The following LIPK variants were observed in gnomAD, a reference collection of about 807,000 sequenced individuals.
The protein encoded by LIPK is lipase family member K.
A neutral mutation model predicts 48.6 loss-of-function variants in LIPK; 32 were observed. The observed-to-expected ratio is 0.66, with a 90% confidence interval of 0.50 to 0.88. The LOEUF (loss-of-function observed/expected upper bound fraction) is 0.88, where lower values mean the gene tolerates loss of function less well. Among genes scored for constraint, LIPK ranks in the 40% least tolerant of loss-of-function variants. The pLI is 0.00. For synonymous variants in LIPK, 164 were observed against 157.4 expected (o/e 1.04, Z -0.32); for missense variants, 507 against 478.5 (o/e 1.06, Z -0.56).
intron 8 of LIPK, 137 bp from the exon 9 acceptor site, chr10:88,743,113 C>A: frequency 1.8e-6 from 1 of 557,068 alleles, no homozygotes; most frequent in African/African-American, 1.9e-5. Context: ...TACTTATTTT[C>A]TTAATCTTTA....
chr10:88,724,019 C>G (rs442545), intron 1 of LIPK, among the ~76,000 whole-genome samples: 118,187 of 152,078 alleles, frequency 0.78, 46,920 homozygotes, highest in East Asian at 1. Context: ...TGTTTATATA[C>G]ACGTCATTTT....
chr10:88,733,288 T>C (rs986485166), intron 6 of LIPK, among the ~76,000 whole-genome samples: 7 of 152,228 alleles, frequency 4.6e-5, no homozygotes, highest in African/African-American at 1.7e-4. Context: ...ATCATTTATC[T>C]AGTCCAGGTA....
chr10:88,726,983 A>G, intron 3 of LIPK, 71 bp downstream of exon 3: 1 of 914,184 alleles, frequency 1.1e-6, no homozygotes, highest in African/African-American at 1.7e-5. Context: ...GGAGAAGTCA[A>G]GCAGTTTTTG....
At chr10:88,733,354 C>T (rs1296842827) in intron 6 of LIPK, among the ~76,000 whole-genome samples, 1 of 152,112 alleles carries the variant, frequency 6.6e-6, no homozygotes, top group African/African-American at 2.4e-5. Context: ...TGGGCTTCTC[C>T]CATGGTAATA....
intron 1 of LIPK, among the ~76,000 whole-genome samples, chr10:88,716,356 CTTT>C (rs11374780): frequency 8.3e-6 from 1 of 120,334 alleles, no homozygotes; most frequent in Non-Finnish European, 1.7e-5. Flanking sequence ...AGGAAAATTT[CTTT>C]TTTTTTTTTT....
chr10:88,725,167 T>C (rs865946948), intron 2 of LIPK, among the ~76,000 whole-genome samples: 2 of 152,192 alleles, frequency 1.3e-5, no homozygotes, highest in African/African-American at 4.8e-5. Flanking sequence ...CATTCTCCTA[T>C]ATAAACGGCG....
intron 1 of LIPK, among the ~76,000 whole-genome samples, chr10:88,723,369 A>G (rs1426351492): frequency 6.6e-6 from 1 of 152,204 alleles, no homozygotes; most frequent in Non-Finnish European, 1.5e-5. Flanking sequence ...GAATCAAGCT[A>G]TATTAACCTG....
intron 6 of LIPK, among the ~76,000 whole-genome samples, chr10:88,735,927 G>A (rs1353344453): frequency 6.6e-6 from 1 of 152,188 alleles, no homozygotes; most frequent in East Asian, 1.9e-4. Flanking sequence ...AGGATATTGA[G>A]GTAGAATGGA....
At chr10:88,732,613 C>A in intron 6 of LIPK, 62 bp downstream of exon 6, 2 of 1,469,990 alleles carry the variant, frequency 1.4e-6, no homozygotes, top group Non-Finnish European at 1.8e-6. Flanking sequence ...CCATTGATTT[C>A]AACAGAAGAC....
intron 2 of LIPK, among the ~76,000 whole-genome samples, chr10:88,725,880 T>C (rs571220012): frequency 2.0e-5 from 3 of 152,178 alleles, no homozygotes; most frequent in Admixed American, 1.3e-4. Flanking sequence ...TAAGGACAGG[T>C]CAACAAGCTC....
intron 1 of LIPK, among the ~76,000 whole-genome samples, chr10:88,711,868 C>T (rs11202828): frequency 0.34 from 51,083 of 151,822 alleles, 8,579 homozygotes; most frequent in East Asian, 0.41. Context: ...CTACCCCAAA[C>T]GTGTAAAGAT....
rs550757557 is a variant in LIPK, at chr10:88,730,438, G to A, written c.224-545G>A. 3.3e-5 allele frequency among the ~76,000 whole-genome samples: 5 copies of A among 152,070 alleles called. No individual in the cohort carries two copies. The South Asian group carries it at 1.0e-3, about 32-fold the overall frequency. On this transcript the variant is annotated intron_variant, in intron 3 of 9. Coordinates refer to ENST00000404190, the MANE Select transcript of LIPK (RefSeq NM_001080518.2). ...CCGAGTAGCTGGGACTACAACGCCC[G>A]CCACCATGCCCGGCTAGTTTTTTTG...
In LIPK at chr10:88,729,817, C is replaced by T. The variant is rs923454876; in HGVS notation, c.224-1166C>T. Among the ~76,000 whole-genome samples, 9 of 152,166 alleles carry T rather than the reference C, an allele frequency of 5.9e-5. No individual in the cohort carries two copies. The East Asian group carries it at 1.7e-3, about 29-fold the overall frequency. The stretch of plus-strand genomic sequence containing the variant: ...GTACAACTTACTCACTCTCAGGAAG[C>T]CACTCTAGTTCCAAAAGTGACCTGA... On this transcript the variant is annotated intron_variant, in intron 3 of 9. Coordinates refer to ENST00000404190, the MANE Select transcript of LIPK (RefSeq NM_001080518.2).
intron 6 of LIPK, among the ~76,000 whole-genome samples, chr10:88,737,265 A>G (rs1341740945): frequency 6.6e-6 from 1 of 152,238 alleles, no homozygotes; most frequent in Admixed American, 6.5e-5. Context: ...TACCCAGTAG[A>G]AAATTTTTCC....
At chr10:88,710,005 G>A (rs1841999142) in intron 1 of LIPK, among the ~76,000 whole-genome samples, 1 of 151,916 alleles carries the variant, frequency 6.6e-6, no homozygotes, top group Admixed American at 6.6e-5. Context: ...ATACTCTATA[G>A]ACTATTGGTA....
intron 1 of LIPK, among the ~76,000 whole-genome samples, chr10:88,714,042 ATTTAT>A (rs541222512): frequency 1.3e-3 from 201 of 152,010 alleles, no homozygotes; most frequent in Non-Finnish European, 2.4e-3. Context: ...TTCTCTTTCG[ATTTAT>A]TTTATTTAAT....
intron 7 of LIPK, among the ~76,000 whole-genome samples, 182 bp downstream of exon 7, chr10:88,737,963 GA>G (rs1335351760): frequency 1.3e-5 from 2 of 152,266 alleles, no homozygotes; most frequent in East Asian, 3.9e-4. Context: ...GAGGATTTGA[GA>G]AGAAAGCTTT....
In LIPK at chr10:88,740,053, C is replaced by A. The variant is rs1298393665; in HGVS notation, c.874C>A (p.Leu292Met). 2 of 1,609,198 alleles carry A rather than the reference C, an allele frequency of 1.2e-6. No homozygotes were observed. The highest frequency in any genetic ancestry group is 1.7e-6 in the Non-Finnish European group (2 of 1,177,094). ...NPAGTSVQNM[L>M]HWAQAVNSGQ... ...TGCGGGAACATCTGTTCAGAATATG[C>A]TGCACTGGGCTCAGGTAAGTGCTTC... The change falls in exon 8 of 10, where the codon CTG becomes ATG. Residue 292 changes from leucine to methionine, a missense_variant. Leu to Met is a conservative substitution (Grantham distance 15, BLOSUM62 2). Coordinates refer to ENST00000404190, the MANE Select transcript of LIPK (RefSeq NM_001080518.2).
At chr10:88,723,087 GT>G (rs1400816198) in intron 1 of LIPK, among the ~76,000 whole-genome samples, 1 of 151,660 alleles carries the variant, frequency 6.6e-6, no homozygotes, top group African/African-American at 2.4e-5. Flanking sequence ...GGTTTTCCGT[GT>G]TGCCCAGGCT....
Sources: allele counts gnomAD v4.1 joint callset (sites outside exome capture counted in the v4.1 genomes callset), GRCh38; gene constraint gnomAD v4.1.1; transcripts MANE v1.5; gene names NCBI Gene and HGNC (gene_info 2026-07-23, HGNC 2026-07-21).